PPARGC1B: variants seen among roughly 807,000 people sequenced by gnomAD.
PPARGC1B encodes PPARG coactivator 1 beta.
In PPARGC1B, 34 loss-of-function variants were observed where a neutral mutation model predicts 101.6. The ratio of observed to expected loss-of-function variants is 0.33; its 90% CI spans 0.25 to 0.45. PPARGC1B has a LOEUF of 0.45. Ranked by LOEUF, PPARGC1B falls within the 20% of genes least tolerant of loss-of-function variation. The pLI is 1.00. For missense variants in PPARGC1B, 1,234 were observed against 1,317.6 expected, an observed-to-expected ratio of 0.94 and a Z score of 0.98; for synonymous variants, 548 against 539.3, an observed-to-expected ratio of 1.02 and a Z score of -0.22.
Position 149,830,874 on chromosome 5 carries a change from T to C in PPARGC1B, c.573T>C (p.Pro191=). The C allele has an allele frequency of 6.2e-7, 1 of 1,611,266 alleles. No homozygotes were observed. The highest frequency in any genetic ancestry group is 8.5e-7 in the Non-Finnish European group (1 of 1,177,364). Residue 191 remains proline, a synonymous_variant, in exon 4 of 12, where the codon CCT becomes CCC. Transcript: ENST00000309241. The part of the protein sequence containing the change: ...QAGLRSKSQR[P]CVKADSTQDK... ...GCCTCAGATCTAAAAGTCAACGGCC[T>C]TGTGTTAAGGTATTTCTTCACATGC... is the stretch of plus-strand genomic sequence containing the variant.
chr5:149,830,257 T>C (rs1308818641), intron 3 of PPARGC1B, among the ~76,000 whole-genome samples: 3 of 151,820 alleles, frequency 2.0e-5, no homozygotes, highest in African/African-American at 7.3e-5. Context: ...TTTTTTTTTT[T>C]TAATCATTTA....
chr5:149,839,927 T>C, intron 8 of PPARGC1B, 114 bp from the exon 9 acceptor site: 9 of 1,050,384 alleles, frequency 8.6e-6, no homozygotes, highest in South Asian at 6.6e-5. Flanking sequence ...TCCAGCTGTG[T>C]GCCCTCGTGA....
chr5:149,778,726 CA>C (rs1245784906), intron 1 of PPARGC1B, among the ~76,000 whole-genome samples: 7 of 152,184 alleles, frequency 4.6e-5, no homozygotes, highest in African/African-American at 1.7e-4. Flanking sequence ...GCTCCCCTAC[CA>C]GCACCCCAGG....
Position 149,811,225 on chromosome 5 carries a change from T to G in PPARGC1B, c.79-9208T>G, listed in dbSNP as rs192103897. Reference sequence around the variant, plus strand: ...CACCCACAGTGCCAGGGTTCTAGTTTCCAGTTTCAGGATGCATTCAGCTGG... The same window carrying G: ...CACCCACAGTGCCAGGGTTCTAGTTGCCAGTTTCAGGATGCATTCAGCTGG... On this transcript the variant is annotated intron_variant, in intron 1 of 11. Coordinates refer to ENST00000309241, the MANE Select transcript of PPARGC1B (RefSeq NM_133263.4). Among the ~76,000 whole-genome samples the G allele has an allele frequency of 1.9e-3, 294 of 152,332 alleles. 1 individual carries two copies. The highest frequency in any genetic ancestry group is 6.7e-3 in the African/African-American group (280 of 41,566).
chr5:149,742,104 A>G (rs1754931082), intron 1 of PPARGC1B, among the ~76,000 whole-genome samples: 1 of 152,184 alleles, frequency 6.6e-6, no homozygotes, highest in African/African-American at 2.4e-5. Context: ...CATCCTTCAC[A>G]TGTGTAATCA....
At chr5:149,825,048 C>T (rs867399347) in intron 2 of PPARGC1B, among the ~76,000 whole-genome samples, 3 of 151,438 alleles carry the variant, frequency 2.0e-5, no homozygotes, top group Middle Eastern at 3.6e-3. Flanking sequence ...GAAAGAGTGC[C>T]GGAGGAGGCA....
chr5:149,746,291 T>C (rs925012539), intron 1 of PPARGC1B, among the ~76,000 whole-genome samples: 1 of 152,250 alleles, frequency 6.6e-6, no homozygotes, highest in Non-Finnish European at 1.5e-5. Flanking sequence ...ATGACCACCA[T>C]TCTACTTTCT....
At chr5:149,745,316 C>G (rs1466347834) in intron 1 of PPARGC1B, among the ~76,000 whole-genome samples, 1 of 152,174 alleles carries the variant, frequency 6.6e-6, no homozygotes, top group Non-Finnish European at 1.5e-5. Flanking sequence ...CTTGGTAGAA[C>G]TAATCAGTGG....
intron 10 of PPARGC1B, among the ~76,000 whole-genome samples, chr5:149,844,252 G>A (rs1759460720): frequency 6.6e-6 from 1 of 152,158 alleles, no homozygotes; most frequent in Non-Finnish European, 1.5e-5. Context: ...AATAAAGCAG[G>A]CAAATTAATC....
chr5:149,798,182 G>C (rs1311197755), intron 1 of PPARGC1B, among the ~76,000 whole-genome samples: 1 of 152,190 alleles, frequency 6.6e-6, no homozygotes, highest in African/African-American at 2.4e-5. Flanking sequence ...TCATTCCAAA[G>C]TCAGCGTTCA....
At chr5:149,818,462 G>A (rs868050937) in intron 1 of PPARGC1B, among the ~76,000 whole-genome samples, 3 of 152,146 alleles carry the variant, frequency 2.0e-5, no homozygotes, top group Non-Finnish European at 4.4e-5. Context: ...TGAGGACAGG[G>A]GACCGGCCGC....
chr5:149,839,911 G>C, intron 8 of PPARGC1B, 130 bp from the exon 9 acceptor site: 1 of 885,672 alleles, frequency 1.1e-6, no homozygotes, highest in East Asian at 2.5e-5. Flanking sequence ...TTCTGCGGGA[G>C]GCAGTTCCAG....
intron 1 of PPARGC1B, among the ~76,000 whole-genome samples, chr5:149,761,069 C>T (rs985395917): frequency 2.6e-4 from 39 of 152,278 alleles, no homozygotes; most frequent in African/African-American, 8.7e-4. Flanking sequence ...AATCCTGCTG[C>T]GGTGGCTTTT....
intron 1 of PPARGC1B, among the ~76,000 whole-genome samples, chr5:149,734,441 C>T (rs770107684): frequency 4.1e-5 from 6 of 146,278 alleles, no homozygotes; most frequent in Non-Finnish European, 8.9e-5. Flanking sequence ...CTGTGAACAT[C>T]TTTCCACATC....
intron 1 of PPARGC1B, among the ~76,000 whole-genome samples, chr5:149,740,967 C>G (rs1038372742): frequency 2.5e-4 from 38 of 152,246 alleles, no homozygotes; most frequent in Non-Finnish European, 3.5e-4. Flanking sequence ...AGGAAGGAAA[C>G]AGACTAGAAA....
At chr5:149,818,099 T>C (rs1758128543) in intron 1 of PPARGC1B, among the ~76,000 whole-genome samples, 1 of 152,114 alleles carries the variant, frequency 6.6e-6, no homozygotes, top group Non-Finnish European at 1.5e-5. Flanking sequence ...GTGCTGGTGA[T>C]TTGTAGTTGG....
chr5:149,847,465 T>A lies in PPARGC1B; in HGVS notation c.2979T>A (p.Asn993Lys). 6.2e-7 allele frequency: 1 copy of A among 1,613,864 alleles called. No homozygotes were observed. The highest frequency in any genetic ancestry group is 8.5e-7 in the Non-Finnish European group (1 of 1,179,764). ...CWPRYTDYDS[N>K]SEEALPASGK... ...CTTCACCCCCATGCCCAGATTCCAA[T>A]TCAGAAGAGGCCCTTCCTGCGTCAG... Residue 993 changes from asparagine to lysine, a missense_variant, in exon 12 of 12, where the codon AAT (asparagine) becomes AAA (lysine). Asn to Lys is a moderately conservative substitution (Grantham distance 94). This residue lies in a region of PPARGC1B where 497 missense variants were observed against 529.5 expected (regional missense o/e 0.94). Coordinates refer to ENST00000309241, the MANE Select transcript of PPARGC1B (RefSeq NM_133263.4).
chr5:149,785,228 C>T (rs924373281), intron 1 of PPARGC1B, among the ~76,000 whole-genome samples: 1 of 151,682 alleles, frequency 6.6e-6, no homozygotes, highest in Non-Finnish European at 1.5e-5. Context: ...GGACCAGATG[C>T]CCTCTTTTAA....
At chr5:149,752,357 G>A (rs1755342425) in intron 1 of PPARGC1B, among the ~76,000 whole-genome samples, 1 of 152,234 alleles carries the variant, frequency 6.6e-6, no homozygotes, top group Admixed American at 6.5e-5. Context: ...TGCAGTCGGA[G>A]CAGAACCAAG....
Sources: gnomAD v4.1 joint callset for allele counts (sites outside exome capture counted in the v4.1 genomes callset) on GRCh38, gnomAD v4.1.1 for gene constraint, gnomAD v4.1.1 regional missense constraint, MANE v1.5 for transcripts, NCBI Gene and HGNC (gene_info 2026-07-23, HGNC 2026-07-21) for gene names.